Variants in CYP7B1 observed in about 807,000 individuals in gnomAD.
CYP7B1 encodes cytochrome P450 family 7 subfamily B member 1.
CYP7B1 carries 29 observed loss-of-function variants against 42.7 expected under a neutral mutation model. The ratio of observed to expected loss-of-function variants is 0.68; its 90% confidence interval spans 0.51 to 0.93. The LOEUF (loss-of-function observed/expected upper bound fraction) is 0.93, where lower values mean the gene tolerates loss of function less well. CYP7B1 is among the 40% of genes least tolerant of loss of function. The pLI is 0.00. For synonymous variants in CYP7B1, 235 were observed against 218.2 expected, an observed-to-expected ratio of 1.08 and a Z score of -0.68; for missense variants, 655 against 600.5, an observed-to-expected ratio of 1.09 and a Z score of -0.95.
intron 1 of CYP7B1, among the ~76,000 whole-genome samples, chr8:64,688,773 A>C (rs1023509562): frequency 8.5e-5 from 13 of 152,174 alleles, no homozygotes; most frequent in African/African-American, 3.1e-4. Flanking sequence ...AAAAAAATAC[A>C]AAAATTGGCC....
chr8:64,589,989 CT>C, downstream of CYP7B1: 1 of 152,280 alleles, frequency 6.6e-6, no homozygotes, highest in Non-Finnish European at 1.5e-5. Flanking sequence ...GTATCAAGCA[CT>C]TTTCAAAAAA....
intron 1 of CYP7B1, among the ~76,000 whole-genome samples, chr8:64,748,354 C>A: frequency 6.6e-6 from 1 of 152,100 alleles, no homozygotes; most frequent in Middle Eastern, 3.2e-3. Context: ...CTCCTTCCTC[C>A]CCTACAATCC....
rs569387785 is a variant in CYP7B1, at chr8:64,599,326, C to T, written c.1234-2397G>A. On this transcript the variant is annotated intron_variant, in intron 5 of 5. Transcript: ENST00000310193. ...GCCTCAGCCTCCCAAGTAGCTGGGACTACAGGCGCCCACCACCACGCCCGG... is the reference window on the plus strand; with the variant it reads ...GCCTCAGCCTCCCAAGTAGCTGGGATTACAGGCGCCCACCACCACGCCCGG... Among the ~76,000 whole-genome samples the T allele has an allele frequency of 3.3e-5, 5 of 152,072 alleles. No individual in the cohort carries two copies. The East Asian group carries it at 5.8e-4, about 18-fold the overall frequency.
At chr8:64,719,725 C>T (rs1451499456) in intron 1 of CYP7B1, among the ~76,000 whole-genome samples, 1 of 152,168 alleles carries the variant, frequency 6.6e-6, no homozygotes, top group African/African-American at 2.4e-5. Flanking sequence ...TTGGGTAAGA[C>T]TTCAATGGGA....
intron 2 of CYP7B1, among the ~76,000 whole-genome samples, chr8:64,617,192 A>G (rs1352913206): frequency 6.6e-6 from 1 of 152,156 alleles, no homozygotes; most frequent in African/African-American, 2.4e-5. Context: ...TTATCAATTT[A>G]AAAACTTGGG....
chr8:64,691,801 G>C (rs770095778), intron 1 of CYP7B1, among the ~76,000 whole-genome samples: 9 of 152,176 alleles, frequency 5.9e-5, no homozygotes, highest in Non-Finnish European at 8.8e-5. Flanking sequence ...GACTGCCACA[G>C]TAGGGGGCAG....
Position 64,606,809 on chromosome 8 carries a change from T to C in CYP7B1, c.1058-1952A>G, listed in dbSNP as rs3779872. Among the ~76,000 whole-genome samples the C allele has an allele frequency of 2.0e-3, 300 of 152,126 alleles. 4 individuals are homozygous for C. In the East Asian group the frequency reaches 0.022, roughly 11 times the overall value. On this transcript the variant is annotated intron_variant, in intron 4 of 5. Coordinates refer to ENST00000310193, the MANE Select transcript of CYP7B1 (RefSeq NM_004820.5). ...ATCAATAGACGACAAAAGTAATGAG[T>C]TGCGTTATTATCAACAATGGAGAGT...
chr8:64,718,506 T>G (rs1168898352), intron 1 of CYP7B1, among the ~76,000 whole-genome samples: 1 of 152,176 alleles, frequency 6.6e-6, no homozygotes, highest in Non-Finnish European at 1.5e-5. Context: ...CCCTCCATCT[T>G]TGTGCTCATG....
At chr8:64,609,248 A>G (rs560398092) in intron 4 of CYP7B1, among the ~76,000 whole-genome samples, 10 of 152,350 alleles carry the variant, frequency 6.6e-5, no homozygotes, top group Admixed American at 3.9e-4. Flanking sequence ...TCCAATAATT[A>G]ACATATGCAA....
intron 2 of CYP7B1, among the ~76,000 whole-genome samples, chr8:64,617,753 C>T (rs753781640): frequency 4.6e-5 from 7 of 151,656 alleles, no homozygotes; most frequent in South Asian, 2.1e-4. Flanking sequence ...GTAACTCAAA[C>T]GGCATCATAG....
chr8:64,586,879 T>C (rs1804975239), downstream of CYP7B1, among the ~76,000 whole-genome samples: 1 of 152,240 alleles, frequency 6.6e-6, no homozygotes, highest in South Asian at 2.1e-4. Flanking sequence ...GCCAATGAGC[T>C]GCAGGTTTAT....
chr8:64,644,132 G>C (rs1034446106), intron 1 of CYP7B1, among the ~76,000 whole-genome samples: 1 of 152,026 alleles, frequency 6.6e-6, no homozygotes, highest in Non-Finnish European at 1.5e-5. Context: ...AATTAGCCGG[G>C]TGTGGTGGTG....
chr8:64,686,101 T>G (rs1462571318), intron 1 of CYP7B1, among the ~76,000 whole-genome samples: 13 of 72,248 alleles, frequency 1.8e-4, no homozygotes, highest in African/African-American at 4.6e-4. Context: ...GGGAGGGAGG[T>G]GGGGGGGTCA....
chr8:64,744,924 G>A lies in CYP7B1; in HGVS notation c.122+53542C>T, dbSNP rs1807621754. On this transcript the variant is annotated intron_variant, in intron 1 of 5. Transcript: ENST00000310193. ...CGTAATGACAGTGAGTTGAGGTATAGTAATACTATGACTAAAACTAAATGT... is the reference window on the plus strand; with the variant it reads ...CGTAATGACAGTGAGTTGAGGTATAATAATACTATGACTAAAACTAAATGT... Among the ~76,000 whole-genome samples, 3 of 152,184 alleles carry A rather than the reference G, an allele frequency of 2.0e-5. No homozygotes were observed. The South Asian group carries it at 6.2e-4, about 31-fold the overall frequency.
chr8:64,742,356 T>C (rs949194297), intron 1 of CYP7B1, among the ~76,000 whole-genome samples: 39 of 152,140 alleles, frequency 2.6e-4, no homozygotes, highest in African/African-American at 8.2e-4. Flanking sequence ...ATTTGCGGAG[T>C]AGTTTTAAGA....
intron 1 of CYP7B1, among the ~76,000 whole-genome samples, chr8:64,683,408 G>C (rs549640509): frequency 1.3e-5 from 2 of 152,220 alleles, no homozygotes; most frequent in African/African-American, 4.8e-5. Context: ...TGAACTCCTG[G>C]GCACAGAGAG....
At chr8:64,617,743 G>A (rs1460067345) in intron 2 of CYP7B1, among the ~76,000 whole-genome samples, 1 of 151,696 alleles carries the variant, frequency 6.6e-6, no homozygotes, top group Non-Finnish European at 1.5e-5. Flanking sequence ...GTTATTTATG[G>A]TAACTCAAAC....
chr8:64,698,192 C>T (rs1266650129), intron 1 of CYP7B1, among the ~76,000 whole-genome samples: 1 of 152,148 alleles, frequency 6.6e-6, no homozygotes, highest in Non-Finnish European at 1.5e-5. Context: ...GAGAAAGAAT[C>T]CATAAGCAGA....
chr8:64,797,211 A>G (rs1158295081), intron 1 of CYP7B1, among the ~76,000 whole-genome samples: 1 of 151,930 alleles, frequency 6.6e-6, no homozygotes, highest in African/African-American at 2.4e-5. Context: ...CACACCAATC[A>G]CCTTCACTGA....
Sources: allele counts gnomAD v4.1 joint callset (sites outside exome capture counted in the v4.1 genomes callset), GRCh38; gene constraint gnomAD v4.1.1; transcripts MANE v1.5; gene names NCBI Gene and HGNC (gene_info 2026-07-23, HGNC 2026-07-21).